HAUS1: variants seen among roughly 807,000 people sequenced by gnomAD.
The protein encoded by HAUS1 is HAUS augmin-like complex subunit 1.
Under a neutral mutation model 38.6 loss-of-function variants are expected in HAUS1, and 25 were observed. The observed-to-expected ratio is 0.65, with a 90% CI of 0.47 to 0.91. The LOEUF (loss-of-function observed/expected upper bound fraction) is 0.91, where lower values mean the gene tolerates loss of function less well. Among genes scored for constraint, HAUS1 ranks in the 40% least tolerant of loss-of-function variants. The pLI, the probability that HAUS1 is intolerant of heterozygous loss-of-function variation, is 0.00. For missense variants in HAUS1, 325 were observed against 328.4 expected (o/e 0.99, Z 0.08); for synonymous variants, 109 against 112.9 (o/e 0.97, Z 0.22).
chr18:46,107,026 AATT>A (rs1387647638), intron 2 of HAUS1, among the ~76,000 whole-genome samples: 5 of 151,926 alleles, frequency 3.3e-5, no homozygotes, highest in African/African-American at 4.8e-5. Context: ...AACAAAAAAA[AATT>A]AATTAATTAA....
At chr18:46,116,698 A>G (rs1337325999) in intron 2 of HAUS1, among the ~76,000 whole-genome samples, 1 of 152,074 alleles carries the variant, frequency 6.6e-6, no homozygotes, top group African/African-American at 2.4e-5. Flanking sequence ...ATCATTAGTC[A>G]TCAGAGAAAT....
chr18:46,125,122 C>T (rs1008231372), intron 7 of HAUS1, among the ~76,000 whole-genome samples: 6 of 150,728 alleles, frequency 4.0e-5, no homozygotes, highest in African/African-American at 1.5e-4. Context: ...TAGCTGGACC[C>T]AGTGGTGCGC....
intron 4 of HAUS1, chr18:46,121,500 AT>A: frequency 6.6e-6 from 1 of 152,014 alleles, no homozygotes; most frequent in South Asian, 2.1e-4. Flanking sequence ...TATTATTATT[AT>A]TTTTTAAACA....
chr18:46,120,297 C>T (rs1449702135), intron 4 of HAUS1, among the ~76,000 whole-genome samples: 2 of 151,496 alleles, frequency 1.3e-5, no homozygotes, highest in Non-Finnish European at 2.9e-5. Context: ...TACAGTGGCA[C>T]GATCTCAGCT....
intron 2 of HAUS1, among the ~76,000 whole-genome samples, chr18:46,115,619 C>A (rs544137200): frequency 4.6e-5 from 7 of 151,672 alleles, no homozygotes; most frequent in South Asian, 4.2e-4. Flanking sequence ...CAGAGTGAGA[C>A]CCTGCCTCAA....
chr18:46,123,933 G>A (rs12959543), intron 6 of HAUS1, among the ~76,000 whole-genome samples: 24,381 of 151,942 alleles, frequency 0.16, 2,749 homozygotes, highest in East Asian at 0.39. Flanking sequence ...AGAGATGGGG[G>A]TCTTGCTATG....
Position 46,112,280 on chromosome 18 carries a change from A to T in HAUS1, c.206-5901A>T, listed in dbSNP as rs376749821. Among the ~76,000 whole-genome samples the T allele has an allele frequency of 1.7e-3, 159 of 91,272 alleles. 2 individuals are homozygous for T. The highest frequency in any genetic ancestry group is 2.9e-3 in the Non-Finnish European group (126 of 43,060). 59.9% of individuals were successfully genotyped at this position (91,272 alleles called of 152,430 possible). On this transcript the variant is annotated intron_variant, in intron 2 of 8. Transcript: ENST00000282058. Reference sequence around the variant, plus strand: ...TATATATATTCCATATTATATATATAATATATAATGTGTATATATATTCCA... The same window carrying T: ...TATATATATTCCATATTATATATATTATATATAATGTGTATATATATTCCA...
rs868258142 is a variant in HAUS1, at chr18:46,120,833, G to A, written c.476+773G>A. Among the ~76,000 whole-genome samples, 39 of 152,262 alleles carry A rather than the reference G, an allele frequency of 2.6e-4. No homozygotes were observed. In the Middle Eastern group the frequency reaches 0.017, roughly 67 times the overall value. On this transcript the variant is annotated intron_variant, in intron 4 of 8. Coordinates refer to ENST00000282058, the MANE Select transcript of HAUS1 (RefSeq NM_138443.4). The stretch of plus-strand genomic sequence containing the variant: ...ACTCCTGACCTCAAGTGGTCCACCT[G>A]CCTTGGCTTCCCAAAATGCTAGGAT...
At chr18:46,113,739 TG>T (rs1249229735) in intron 2 of HAUS1, among the ~76,000 whole-genome samples, 1 of 152,184 alleles carries the variant, frequency 6.6e-6, no homozygotes, top group Non-Finnish European at 1.5e-5. Context: ...TTGTTGTTGT[TG>T]TTGCTGGAAA....
intron 2 of HAUS1, among the ~76,000 whole-genome samples, chr18:46,113,752 T>G (rs549511429): frequency 6.6e-6 from 1 of 152,172 alleles, no homozygotes; most frequent in African/African-American, 2.4e-5. Context: ...TGCTGGAAAC[T>G]GGACATTTCA....
At position 46,115,819 on chromosome 18, in the gene HAUS1, A is replaced by G. The variant is rs1178544163; in HGVS notation, c.206-2362A>G. 3.3e-5 allele frequency among the ~76,000 whole-genome samples: 5 copies of G among 152,178 alleles called. No homozygotes were observed. The South Asian group carries it at 6.2e-4, about 19-fold the overall frequency. Reference sequence around the variant, plus strand: ...CTTTTGTTCTCAAAGGACACCATCAAGAATATGAAAAGACAGGCTGGGCAT... The same window carrying G: ...CTTTTGTTCTCAAAGGACACCATCAGGAATATGAAAAGACAGGCTGGGCAT... On this transcript the variant is annotated intron_variant, in intron 2 of 8. Transcript: ENST00000282058.
At chr18:46,126,979 C>G (rs186778792) in intron 8 of HAUS1, among the ~76,000 whole-genome samples, 34 of 151,932 alleles carry the variant, frequency 2.2e-4, no homozygotes, top group Admixed American at 9.2e-4. Flanking sequence ...GAACTACAGG[C>G]ACCTGCCACC....
At chr18:46,114,324 G>C (rs1911747651) in intron 2 of HAUS1, among the ~76,000 whole-genome samples, 1 of 152,192 alleles carries the variant, frequency 6.6e-6, no homozygotes, top group South Asian at 2.1e-4. Flanking sequence ...AGAGCCATCT[G>C]TTTTATGACT....
intron 2 of HAUS1, among the ~76,000 whole-genome samples, chr18:46,114,420 G>A (rs1418775082): frequency 6.6e-6 from 1 of 152,164 alleles, no homozygotes; most frequent in Non-Finnish European, 1.5e-5. Context: ...GTTTGTCACT[G>A]AGCGATATGC....
intron 2 of HAUS1, among the ~76,000 whole-genome samples, chr18:46,111,901 T>TA (rs1491445196): frequency 2.8e-5 from 4 of 144,472 alleles, no homozygotes; most frequent in Non-Finnish European, 6.0e-5. Context: ...TTTTTTTTTT[T>TA]ATGAGATGGA....
intron 2 of HAUS1, among the ~76,000 whole-genome samples, chr18:46,110,573 C>G (rs945271847): frequency 6.6e-6 from 1 of 151,756 alleles, no homozygotes; most frequent in Non-Finnish European, 1.5e-5. Context: ...GAGCTCCTAA[C>G]CTCAGGTGAT....
chr18:46,121,132 A>ACATATGTGC lies in HAUS1; in HGVS notation c.476+1073_476+1081dup, dbSNP rs1183763972. ...ATGTAAATTTATTCAACAAATGACT[A>ACATATGTGC]CATATGTGCAAGGCACTGTCATGTC... On this transcript the variant is annotated intron_variant, in intron 4 of 8. Transcript: ENST00000282058. Among the ~76,000 whole-genome samples, 12 of 152,314 alleles carry ACATATGTGC rather than the reference A, an allele frequency of 7.9e-5. No individual in the cohort carries two copies. The South Asian group carries it at 1.0e-3, about 13-fold the overall frequency.
chr18:46,116,585 A>C (rs553535771), intron 2 of HAUS1, among the ~76,000 whole-genome samples: 38 of 152,054 alleles, frequency 2.5e-4, no homozygotes, highest in Admixed American at 5.3e-4. Context: ...GACAAAAAAA[A>C]CCAAAACCTC....
chr18:46,128,130 A>C lies in HAUS1; in HGVS notation c.*5A>C, dbSNP rs1412391388. 10 of 1,573,370 alleles carry C rather than the reference A, an allele frequency of 6.4e-6. No individual in the cohort carries two copies. The African/African-American group carries it at 1.4e-4, about 21-fold the overall frequency. ...GTAGACATGATGGAACTGTGACAAAAGCCAAATAAACATCCTTTTCCCTAA... is the reference window on the plus strand; with the variant it reads ...GTAGACATGATGGAACTGTGACAAACGCCAAATAAACATCCTTTTCCCTAA... On this transcript the variant is annotated 3_prime_UTR_variant, in exon 9 of 9. Coordinates refer to ENST00000282058, the MANE Select transcript of HAUS1 (RefSeq NM_138443.4).
Sources: allele counts gnomAD v4.1 joint callset (sites outside exome capture counted in the v4.1 genomes callset), GRCh38; gene constraint gnomAD v4.1.1; transcripts MANE v1.5; gene names NCBI Gene and HGNC (gene_info 2026-07-23, HGNC 2026-07-21).